Variants in CLEC1A observed in about 807,000 individuals in gnomAD.
CLEC1A encodes the protein C-type lectin-like receptor-1.
A neutral mutation model predicts 28.7 loss-of-function variants in CLEC1A; 34 were observed. The ratio of observed to expected loss-of-function variants is 1.18; its 90% CI spans 0.90 to 1.57. CLEC1A has a LOEUF of 1.57. Ranked by LOEUF, CLEC1A falls within the 40% of genes most tolerant of loss-of-function variation. The pLI is 0.00. For synonymous variants in CLEC1A, 116 were observed against 121.0 expected, an observed-to-expected ratio of 0.96 and a Z score of 0.27; for missense variants, 385 against 339.5, an observed-to-expected ratio of 1.13 and a Z score of -1.05.
At chr12:10,077,849 G>GCTTAAAAC (rs1866286574) in intron 3 of CLEC1A, among the ~76,000 whole-genome samples, 1 of 151,876 alleles carries the variant, frequency 6.6e-6, no homozygotes, top group South Asian at 2.1e-4. Context: ...TATGTGTCTG[G>GCTTAAAAC]CCCAGAATTT....
intron 2 of CLEC1A, among the ~76,000 whole-genome samples, chr12:10,082,643 C>T (rs1184727415): frequency 6.6e-6 from 1 of 152,080 alleles, no homozygotes; most frequent in Admixed American, 6.5e-5. Context: ...CCTGAGAAAC[C>T]TGAATACTCA....
chr12:10,098,491 A>C (rs1947807023), intron 1 of CLEC1A, among the ~76,000 whole-genome samples: 1 of 152,176 alleles, frequency 6.6e-6, no homozygotes, highest in African/African-American at 2.4e-5. Context: ...GTTACACAGA[A>C]GGAAAGTGGC....
At chr12:10,073,071 C>T (rs1866169008) in intron 5 of CLEC1A, among the ~76,000 whole-genome samples, 1 of 152,148 alleles carries the variant, frequency 6.6e-6, no homozygotes, top group South Asian at 2.1e-4. Flanking sequence ...CAGAACAAGA[C>T]CCTATCTCAA....
chr12:10,097,413 T>C lies in CLEC1A; in HGVS notation c.115+1395A>G, dbSNP rs1947791814. 2.6e-5 allele frequency among the ~76,000 whole-genome samples: 4 copies of C among 152,230 alleles called. No individual in the cohort carries two copies. The South Asian group carries it at 8.3e-4, about 32-fold the overall frequency. ...TATCTAAGAAATAATTATACTTCTA[T>C]GATGGTATTCCCCTAAATGTTTGTA... On this transcript the variant is annotated intron_variant, in intron 1 of 5. Coordinates refer to ENST00000315330, the MANE Select transcript of CLEC1A (RefSeq NM_016511.4).
At chr12:10,087,374 C>T (rs1048166324) in intron 2 of CLEC1A, among the ~76,000 whole-genome samples, 4 of 148,600 alleles carry the variant, frequency 2.7e-5, no homozygotes, top group African/African-American at 9.9e-5. Flanking sequence ...ATCCTATGAT[C>T]ATCTCAATAG....
At chr12:10,074,573 C>T (rs1402856701) in intron 4 of CLEC1A, among the ~76,000 whole-genome samples, 1 of 152,088 alleles carries the variant, frequency 6.6e-6, no homozygotes, top group African/African-American at 2.4e-5. Context: ...GCAGTGTATG[C>T]TGGAGGCAGA....
At chr12:10,083,314 G>C (rs1047638024) in intron 2 of CLEC1A, among the ~76,000 whole-genome samples, 3 of 152,180 alleles carry the variant, frequency 2.0e-5, no homozygotes, top group African/African-American at 7.2e-5. Context: ...GGATTCTATA[G>C]CACCACCAAA....
chr12:10,083,634 C>A (rs1441373077), intron 2 of CLEC1A, among the ~76,000 whole-genome samples: 2 of 151,934 alleles, frequency 1.3e-5, no homozygotes, highest in African/African-American at 4.8e-5. Flanking sequence ...CACCATGTCT[C>A]TCTAATTTTT....
chr12:10,077,168 A>G (rs996145500), intron 3 of CLEC1A, among the ~76,000 whole-genome samples: 1 of 152,182 alleles, frequency 6.6e-6, no homozygotes, highest in Non-Finnish European at 1.5e-5. Context: ...TGAAATAGGT[A>G]GTGATACTAT....
At chr12:10,076,570 A>G (rs1349506283) in intron 3 of CLEC1A, among the ~76,000 whole-genome samples, 1 of 152,218 alleles carries the variant, frequency 6.6e-6, no homozygotes, top group Non-Finnish European at 1.5e-5. Context: ...TCTCTCAGAC[A>G]GGTCGGCTTG....
Position 10,089,175 on chromosome 12 carries a change from G to C in CLEC1A, c.163C>G (p.Leu55Val). 1 of 1,614,074 alleles carries C rather than the reference G, an allele frequency of 6.2e-7. No homozygotes were observed. The highest frequency in any genetic ancestry group is 1.3e-5 in the African/African-American group (1 of 75,056). Residue 55 changes from leucine (L) to valine (V), a missense_variant, in exon 2 of 6, where the codon CTG becomes GTG. Leu to Val is a conservative substitution (Grantham distance 32). Coordinates refer to ENST00000315330, the MANE Select transcript of CLEC1A (RefSeq NM_016511.4). Reference protein sequence around the residue: ...STWRPVALTLLTLCLVLLIGL... With the variant: ...STWRPVALTLVTLCLVLLIGL... The stretch of plus-strand genomic sequence containing the variant: ...ATCAGCAGCACCAAGCACAAAGTCA[G>C]CAGGGTCAGGGCCACTGGTCGCCAC...
chr12:10,075,415 A>G, intron 4 of CLEC1A, 89 bp downstream of exon 4: 2 of 1,403,652 alleles, frequency 1.4e-6, no homozygotes, highest in Non-Finnish European at 2.0e-6. Flanking sequence ...CTGTGGACCG[A>G]TATTCTTGAT....
intron 1 of CLEC1A, among the ~76,000 whole-genome samples, chr12:10,094,739 C>T (rs931095124): frequency 2.0e-5 from 3 of 152,112 alleles, no homozygotes; most frequent in Non-Finnish European, 4.4e-5. Flanking sequence ...TTCCCTTCTA[C>T]ATTATGAAAT....
chr12:10,094,864 T>C (rs555922077), intron 1 of CLEC1A, among the ~76,000 whole-genome samples: 76 of 152,294 alleles, frequency 5.0e-4, no homozygotes, highest in African/African-American at 1.8e-3. Flanking sequence ...CTTAGTGTAC[T>C]GTATCAGGCT....
intron 1 of CLEC1A, among the ~76,000 whole-genome samples, chr12:10,091,821 ATTT>A (rs1314099149): frequency 2.0e-5 from 3 of 151,978 alleles, no homozygotes; most frequent in Non-Finnish European, 4.4e-5. Flanking sequence ...TGGTGATTTT[ATTT>A]TTCCACATAC....
chr12:10,084,821 CAA>C (rs57574014), intron 2 of CLEC1A, among the ~76,000 whole-genome samples: 115 of 83,754 alleles, frequency 1.4e-3, no homozygotes, highest in African/African-American at 2.8e-3. Context: ...GACTCTGTAT[CAA>C]AAAAAAAAAA....
intron 3 of CLEC1A, among the ~76,000 whole-genome samples, chr12:10,077,861 C>T (rs7961483): frequency 0.47 from 70,978 of 151,800 alleles, 20,021 homozygotes; most frequent in Middle Eastern, 0.74. Context: ...CCAGAATTTT[C>T]CCTCATATAT....
In CLEC1A at chr12:10,071,406, C is replaced by A. The variant is rs778958795; in HGVS notation, c.770G>T (p.Cys257Phe). ...CTTCACCATTCCTGCCCTTCTCTCA[C>A]AGACACAACGCTTCAATTCTTTGCA... ...KDCKELKRCV[C>F]ERRAGMVKPE... The change falls in exon 6 of 6, where the codon TGT becomes TTT. Residue 257 changes from cysteine to phenylalanine, a missense_variant. Physicochemically the swap from Cys to Phe is radical, Grantham distance 205 (BLOSUM62 -2). Transcript: ENST00000315330. 2 of 1,614,040 alleles carry A rather than the reference C, an allele frequency of 1.2e-6. No individual in the cohort carries two copies. Among genetic ancestry groups the A allele is most frequent in the South Asian group, 2.2e-5 (2 of 91,072 alleles).
At chr12:10,091,758 T>C (rs1360248289) in intron 1 of CLEC1A, among the ~76,000 whole-genome samples, 1 of 152,162 alleles carries the variant, frequency 6.6e-6, no homozygotes, top group Non-Finnish European at 1.5e-5. Context: ...AAGTTAATCA[T>C]ATGGATGTTT....
Sources: gnomAD v4.1 joint callset for allele counts (sites outside exome capture counted in the v4.1 genomes callset) on GRCh38, gnomAD v4.1.1 for gene constraint, MANE v1.5 for transcripts, NCBI Gene and HGNC (gene_info 2026-07-23, HGNC 2026-07-21) for gene names.